XKR6: variants seen among roughly 807,000 people sequenced by gnomAD.
XKR6 encodes the protein XK-related protein 6.
XKR6 carries 22 observed loss-of-function variants against 56.7 expected under a neutral mutation model. That is an observed-to-expected ratio of 0.39 (90% confidence interval 0.28 to 0.55). XKR6 has a LOEUF of 0.55. Among genes scored for constraint, XKR6 ranks in the 20% least tolerant of loss-of-function variants. The pLI is 0.66. For synonymous variants in XKR6, 524 were observed against 387.8 expected (o/e 1.35, Z -4.13); for missense variants, 852 against 889.0 (o/e 0.96, Z 0.53).
chr8:10,917,933 G>T (rs1024374282), intron 2 of XKR6, among the ~76,000 whole-genome samples: 1 of 152,164 alleles, frequency 6.6e-6, no homozygotes, highest in African/African-American at 2.4e-5. Context: ...TTATGTGTGG[G>T]GAGACAGGTA....
At chr8:10,954,850 G>A (rs142047182) in intron 1 of XKR6, among the ~76,000 whole-genome samples, 11 of 124,418 alleles carry the variant, frequency 8.8e-5, no homozygotes, top group African/African-American at 3.5e-4. Flanking sequence ...GTAAGGTAAG[G>A]GTCTAACTTC....
chr8:10,953,821 T>C (rs142086345), intron 1 of XKR6, among the ~76,000 whole-genome samples: 1 of 152,356 alleles, frequency 6.6e-6, no homozygotes, highest in African/African-American at 2.4e-5. Flanking sequence ...CTACCTGTTC[T>C]TCCATTCCAC....
At chr8:10,960,690 G>T (rs1479604079) in intron 1 of XKR6, among the ~76,000 whole-genome samples, 1 of 152,202 alleles carries the variant, frequency 6.6e-6, no homozygotes. Flanking sequence ...GAGAATCTGA[G>T]AATCAGAACC....
At chr8:11,027,417 A>C (rs116613040) in intron 1 of XKR6, among the ~76,000 whole-genome samples, 4,473 of 152,258 alleles carry the variant, frequency 0.029, 73 homozygotes, top group African/African-American at 0.038. Context: ...TAAAACCCCA[A>C]ATGTGATTCA....
intron 1 of XKR6, among the ~76,000 whole-genome samples, chr8:11,056,173 G>A (rs1384769749): frequency 1.3e-5 from 2 of 152,180 alleles, no homozygotes; most frequent in African/African-American, 2.4e-5. Context: ...AGAGGCTTCC[G>A]GAGGCGTCCT....
chr8:10,971,320 C>A (rs1447046074), intron 1 of XKR6, among the ~76,000 whole-genome samples: 2 of 151,822 alleles, frequency 1.3e-5, no homozygotes, highest in African/African-American at 4.8e-5. Flanking sequence ...ACTCGGGAGG[C>A]TGAGGCAGGA....
At chr8:11,103,430 CCACATAGTTG>C (rs1234593853) in intron 1 of XKR6, among the ~76,000 whole-genome samples, 4 of 152,170 alleles carry the variant, frequency 2.6e-5, no homozygotes, top group African/African-American at 7.2e-5. Context: ...TGTCCCAGAG[CCACATAGTTG>C]CTCGCATTTG....
chr8:10,966,361 C>G (rs140838095), intron 1 of XKR6, among the ~76,000 whole-genome samples: 7 of 152,064 alleles, frequency 4.6e-5, no homozygotes, highest in East Asian at 3.9e-4. Flanking sequence ...TTAGCATCAC[C>G]GAGAAATGTA....
intron 1 of XKR6, among the ~76,000 whole-genome samples, chr8:10,951,116 C>T (rs953251682): frequency 2.1e-4 from 32 of 152,222 alleles, no homozygotes; most frequent in Non-Finnish European, 3.7e-4. Context: ...CTGGGCCAGT[C>T]CCTTGCAGCA....
intron 1 of XKR6, among the ~76,000 whole-genome samples, chr8:11,190,227 A>AG (rs760386169): frequency 7.2e-5 from 9 of 124,716 alleles, no homozygotes; most frequent in African/African-American, 1.9e-4. Context: ...AAAGAAAGAG[A>AG]AAAGAAAAAA....
chr8:10,951,020 G>GGC (rs1801702112), intron 1 of XKR6, among the ~76,000 whole-genome samples: 1 of 152,192 alleles, frequency 6.6e-6, no homozygotes, highest in Non-Finnish European at 1.5e-5. Flanking sequence ...AACCTCAGCA[G>GGC]CATGCCCTGA....
intron 1 of XKR6, among the ~76,000 whole-genome samples, chr8:10,980,278 G>C (rs1022007203): frequency 6.6e-6 from 1 of 152,322 alleles, no homozygotes; most frequent in African/African-American, 2.4e-5. Flanking sequence ...CGGGGCTGCA[G>C]GGGAAGGGGC....
At position 11,200,686 on chromosome 8, in the gene XKR6, A is replaced by C; in HGVS notation, c.654T>G (p.Gly218=). 1 of 1,568,438 alleles carries C rather than the reference A, an allele frequency of 6.4e-7. No individual in the cohort carries two copies. Among genetic ancestry groups the C allele is most frequent in the Non-Finnish European group, 8.6e-7 (1 of 1,166,048 alleles). ...TGGGGGAGACCCTCACGCCTGGGCC[A>C]CCGCGGGCCGCGCCGTGGACGTAGC... The part of the protein sequence containing the change: ...GAGYVHGAAR[G]GPGVRVSPTP... Residue 218 remains glycine, a synonymous_variant, in exon 1 of 3, where the codon GGT becomes GGG. Transcript: ENST00000416569. The surrounding 1 kb of genome is among the most constrained non-coding windows in gnomAD (Gnocchi z 6.4).
At chr8:11,011,025 A>G (rs1213789079) in intron 1 of XKR6, among the ~76,000 whole-genome samples, 2 of 152,204 alleles carry the variant, frequency 1.3e-5, no homozygotes, top group Non-Finnish European at 2.9e-5. Context: ...CAGCAACCCA[A>G]TCAGTCAAGA....
At chr8:11,187,851 C>A (rs1175629540) in intron 1 of XKR6, among the ~76,000 whole-genome samples, 1 of 152,120 alleles carries the variant, frequency 6.6e-6, no homozygotes. Flanking sequence ...TCTACATAAC[C>A]CAGGATGAAC....
intron 1 of XKR6, among the ~76,000 whole-genome samples, chr8:11,055,087 C>G (rs1186161662): frequency 1.3e-5 from 2 of 152,196 alleles, no homozygotes; most frequent in East Asian, 3.9e-4. Flanking sequence ...ATTCCCGACA[C>G]TTATTAAAAT....
Position 11,200,971 on chromosome 8 carries a change from C to T in XKR6, c.369G>A (p.Glu123=), listed in dbSNP as rs1475284168. 1 of 1,511,266 alleles carries T rather than the reference C, an allele frequency of 6.6e-7. No homozygotes were observed. The highest frequency in any genetic ancestry group is 8.8e-7 in the Non-Finnish European group (1 of 1,131,754). The allele number at this position is 1,511,266 out of a possible 1,614,324, so 93.6% of individuals were successfully genotyped here. ...TCCACAGGCAGTCGAGCCACGGCCG[C>T]TCCACCTGCGGCGGCGGCGGCTCCG... ...ARPEPPPPQV[E]RPWLDCLWIV... is the part of the protein sequence containing the mutation. Residue 123 remains glutamate (E), a synonymous_variant, in exon 1 of 3, where the codon GAG becomes GAA. Transcript: ENST00000416569. This position sits in a 1 kb window ranked among gnomAD's most constrained non-coding sequence, Gnocchi z 6.4.
chr8:10,990,393 G>C (rs547440064), intron 1 of XKR6, among the ~76,000 whole-genome samples: 2 of 152,188 alleles, frequency 1.3e-5, no homozygotes, highest in African/African-American at 2.4e-5. Flanking sequence ...ACCCATCGTG[G>C]CTGGGAGATT....
chr8:11,170,018 G>T (rs965074006), intron 1 of XKR6, among the ~76,000 whole-genome samples: 1 of 152,130 alleles, frequency 6.6e-6, no homozygotes, highest in Admixed American at 6.5e-5. Context: ...GAAAATGGAA[G>T]TCTGCAACTC....
Sources: gnomAD v4.1 joint callset for allele counts (sites outside exome capture counted in the v4.1 genomes callset) on GRCh38, gnomAD v4.1.1 for gene constraint, Gnocchi (gnomAD v3.1) non-coding constraint, MANE v1.5 for transcripts, NCBI Gene and HGNC (gene_info 2026-07-23, HGNC 2026-07-21) for gene names.